Variants in PDE4B observed in about 807,000 individuals in gnomAD.
PDE4B encodes phosphodiesterase 4B, also known as 3',5'-cyclic-AMP phosphodiesterase 4B.
Under a neutral mutation model 82.2 loss-of-function variants are expected in PDE4B, and 20 were observed. The ratio of observed to expected loss-of-function variants is 0.24; its 90% confidence interval spans 0.17 to 0.35. The LOEUF is 0.35. PDE4B is among the 10% of genes least tolerant of loss of function. The pLI is 1.00. For synonymous variants in PDE4B, 320 were observed against 318.9 expected, an observed-to-expected ratio of 1.00 and a Z score of -0.04; for missense variants, 655 against 907.2, an observed-to-expected ratio of 0.72 and a Z score of 3.57.
chr1:65,983,692 A>T (rs1260475058), intron 3 of PDE4B, among the ~76,000 whole-genome samples: 1 of 152,148 alleles, frequency 6.6e-6, no homozygotes, highest in African/African-American at 2.4e-5. Context: ...CCCTCAGAGG[A>T]GCCGATTCTG....
intron 3 of PDE4B, among the ~76,000 whole-genome samples, chr1:66,207,736 A>C (rs1357966037): frequency 1.3e-5 from 2 of 152,330 alleles, no homozygotes; most frequent in African/African-American, 4.8e-5. Context: ...AGAGGATTCT[A>C]TTTATTGCTG....
chr1:65,813,633 T>C (rs973005197), intron 1 of PDE4B, among the ~76,000 whole-genome samples: 2 of 152,126 alleles, frequency 1.3e-5, no homozygotes, highest in Non-Finnish European at 2.9e-5. Flanking sequence ...GAGGGGGTCC[T>C]CTATAGTTTC....
intron 3 of PDE4B, among the ~76,000 whole-genome samples, chr1:65,959,972 A>G (rs1649463370): frequency 6.6e-6 from 1 of 152,050 alleles, no homozygotes; most frequent in Non-Finnish European, 1.5e-5. Context: ...GAGCCTCCTA[A>G]ACTGCAGGGA....
At chr1:66,071,647 GT>G in intron 3 of PDE4B, among the ~76,000 whole-genome samples, 1 of 151,986 alleles carries the variant, frequency 6.6e-6, no homozygotes, top group Admixed American at 6.6e-5. Context: ...GTCACCTCTT[GT>G]CATCTTCTTT....
chr1:65,829,608 A>G (rs1442638968), intron 1 of PDE4B, among the ~76,000 whole-genome samples: 1 of 152,218 alleles, frequency 6.6e-6, no homozygotes, highest in African/African-American at 2.4e-5. Flanking sequence ...TGGTTCTTGG[A>G]TAAGAATAAA....
At chr1:66,207,326 C>A (rs1475503119) in intron 3 of PDE4B, among the ~76,000 whole-genome samples, 1 of 152,080 alleles carries the variant, frequency 6.6e-6, no homozygotes, top group Non-Finnish European at 1.5e-5. Context: ...AAGCCAATTT[C>A]TTAATGCAAT....
intron 3 of PDE4B, among the ~76,000 whole-genome samples, chr1:66,229,675 A>C (rs1651789460): frequency 6.6e-6 from 1 of 152,160 alleles, no homozygotes; most frequent in Non-Finnish European, 1.5e-5. Context: ...GTAATGATAG[A>C]ATCTCGGGCC....
chr1:66,322,001 T>A (rs1158965727), intron 7 of PDE4B, among the ~76,000 whole-genome samples: 1 of 151,578 alleles, frequency 6.6e-6, no homozygotes, highest in Non-Finnish European at 1.5e-5. Flanking sequence ...CAGAACAGAG[T>A]CCTCAGAAAT....
intron 3 of PDE4B, among the ~76,000 whole-genome samples, chr1:65,943,168 A>G (rs1648534960): frequency 6.6e-6 from 1 of 151,804 alleles, no homozygotes. Context: ...CTCTTAAATC[A>G]ATTTTTAGTT....
At chr1:65,898,777 A>T (rs1487544563) in intron 1 of PDE4B, among the ~76,000 whole-genome samples, 1 of 152,154 alleles carries the variant, frequency 6.6e-6, no homozygotes, top group East Asian at 1.9e-4. Flanking sequence ...AGGAGAATGA[A>T]ACTGGAACCT....
Position 66,372,440 on chromosome 1 carries a change from A to C in PDE4B, c.1973A>C (p.Gln658Pro). The change falls in exon 17 of 17, where the codon CAA becomes CCA. Residue 658 changes from glutamine to proline, a missense_variant. Physicochemically the swap from Gln to Pro is moderately conservative, Grantham distance 76. Coordinates refer to ENST00000341517, the MANE Select transcript of PDE4B (RefSeq NM_002600.4). ...NRNWYQSMIP[Q>P]SPSPPLDEQN... Reference sequence around the variant, plus strand: ...AACTGGTATCAGAGCATGATACCTCAAAGTCCCTCACCACCACTGGACGAG... The same window carrying C: ...AACTGGTATCAGAGCATGATACCTCCAAGTCCCTCACCACCACTGGACGAG... The C allele has an allele frequency of 6.2e-7, 1 of 1,614,166 alleles. No individual in the cohort carries two copies.
intron 3 of PDE4B, among the ~76,000 whole-genome samples, chr1:66,134,043 GA>G (rs3036787): frequency 0.13 from 18,685 of 148,496 alleles, 1,270 homozygotes; most frequent in East Asian, 0.17. Flanking sequence ...CACAAAACTG[GA>G]AAAAAAAAAA....
At chr1:66,077,228 C>T (rs955119989) in intron 3 of PDE4B, among the ~76,000 whole-genome samples, 4 of 151,974 alleles carry the variant, frequency 2.6e-5, no homozygotes, top group Non-Finnish European at 5.9e-5. Context: ...TCTTCTAGGT[C>T]TGATTGCTTT....
chr1:66,063,220 GT>G (rs1337342064), intron 3 of PDE4B, among the ~76,000 whole-genome samples: 1 of 152,030 alleles, frequency 6.6e-6, no homozygotes, highest in African/African-American at 2.4e-5. Context: ...TTTGTCTCTA[GT>G]TTCTCACTCA....
At chr1:65,843,561 G>A (rs1487750132) in intron 1 of PDE4B, among the ~76,000 whole-genome samples, 1 of 152,128 alleles carries the variant, frequency 6.6e-6, no homozygotes, top group Non-Finnish European at 1.5e-5. Context: ...GTTCATTGGT[G>A]TATATAAACT....
intron 1 of PDE4B, among the ~76,000 whole-genome samples, chr1:65,907,522 T>C (rs1215941942): frequency 2.0e-5 from 3 of 152,130 alleles, no homozygotes; most frequent in Non-Finnish European, 2.9e-5. Context: ...CAGTTCAGGC[T>C]CTGCTTTATC....
chr1:65,828,813 A>G (rs977549414), intron 1 of PDE4B, among the ~76,000 whole-genome samples: 1 of 152,204 alleles, frequency 6.6e-6, no homozygotes, highest in African/African-American at 2.4e-5. Flanking sequence ...GTTATAATTA[A>G]TAAGTCAATT....
chr1:65,813,922 G>A (rs973140638), intron 1 of PDE4B, among the ~76,000 whole-genome samples: 18 of 147,230 alleles, frequency 1.2e-4, no homozygotes, highest in South Asian at 2.2e-4. Flanking sequence ...AACAACAGTT[G>A]AGAGATCTGG....
intron 1 of PDE4B, among the ~76,000 whole-genome samples, chr1:65,797,112 C>T (rs1159930216): frequency 6.6e-6 from 1 of 151,928 alleles, no homozygotes; most frequent in Non-Finnish European, 1.5e-5. Context: ...GCCACCACGC[C>T]TGGCTAATTT....
Sources: allele counts gnomAD v4.1 joint callset (sites outside exome capture counted in the v4.1 genomes callset), GRCh38; gene constraint gnomAD v4.1.1; transcripts MANE v1.5; gene names NCBI Gene and HGNC (gene_info 2026-07-23, HGNC 2026-07-21).